Variants in PTPRT observed in about 807,000 individuals in gnomAD.
PTPRT encodes the protein receptor-type tyrosine-protein phosphatase T.
A neutral mutation model predicts 176.8 loss-of-function variants in PTPRT; 56 were observed. That is an observed-to-expected ratio of 0.32 (90% CI 0.26 to 0.40). PTPRT has a LOEUF of 0.40. Ranked by LOEUF, PTPRT falls within the 10% of genes least tolerant of loss-of-function variation. The probability of loss-of-function intolerance (pLI) is 1.00; values close to 1 mark genes in which losing one functional copy is unlikely to be tolerated. For synonymous variants in PTPRT, 783 were observed against 739.0 expected, an observed-to-expected ratio of 1.06 and a Z score of -0.96; for missense variants, 1,540 against 1,908.2, an observed-to-expected ratio of 0.81 and a Z score of 3.60.
chr20:42,371,436 C>T (rs974006634), intron 9 of PTPRT, among the ~76,000 whole-genome samples: 1 of 152,224 alleles, frequency 6.6e-6, no homozygotes, highest in African/African-American at 2.4e-5. Flanking sequence ...ACTTCAAGCC[C>T]TCTCCTGCAG....
At chr20:43,049,386 G>T (rs1408674706) in intron 1 of PTPRT, among the ~76,000 whole-genome samples, 1 of 152,070 alleles carries the variant, frequency 6.6e-6, no homozygotes, top group Non-Finnish European at 1.5e-5. Flanking sequence ...TACTTTGAAA[G>T]CTCAAAACAC....
At chr20:43,021,536 G>A (rs886969924) in intron 1 of PTPRT, among the ~76,000 whole-genome samples, 1 of 152,090 alleles carries the variant, frequency 6.6e-6, no homozygotes, top group African/African-American at 2.4e-5. Flanking sequence ...AGGTGGGCAA[G>A]TTCCCTGGTC....
At chr20:42,436,769 C>A (rs1310734067) in intron 9 of PTPRT, among the ~76,000 whole-genome samples, 1 of 152,196 alleles carries the variant, frequency 6.6e-6, no homozygotes. Context: ...ATTCTGAAAG[C>A]AACCCCAATG....
At chr20:42,760,732 C>T (rs2076903591) in intron 5 of PTPRT, among the ~76,000 whole-genome samples, 1 of 152,092 alleles carries the variant, frequency 6.6e-6, no homozygotes, top group South Asian at 2.1e-4. Flanking sequence ...TCTACAGCAT[C>T]GGCCTCATCT....
At chr20:42,591,972 A>ATTTT (rs2073583245) in intron 7 of PTPRT, among the ~76,000 whole-genome samples, 1 of 121,210 alleles carries the variant, frequency 8.3e-6, no homozygotes. Context: ...TTTGCTGGAG[A>ATTTT]TTCTTTTTTT....
intron 2 of PTPRT, among the ~76,000 whole-genome samples, chr20:42,857,399 G>A (rs914381543): frequency 2.6e-5 from 4 of 152,108 alleles, no homozygotes; most frequent in Admixed American, 2.6e-4. Context: ...ATATCCCCAA[G>A]TTATATTAAT....
At chr20:42,132,512 G>A (rs886258682) in intron 18 of PTPRT, among the ~76,000 whole-genome samples, 5 of 152,140 alleles carry the variant, frequency 3.3e-5, no homozygotes, top group African/African-American at 1.2e-4. Context: ...ATGGGAGAAA[G>A]ATCTGAACAG....
intron 7 of PTPRT, among the ~76,000 whole-genome samples, chr20:42,554,234 A>T (rs1232691534): frequency 6.6e-6 from 1 of 152,102 alleles, no homozygotes; most frequent in African/African-American, 2.4e-5. Context: ...TGTCTATAAT[A>T]CTAATCTGTA....
At chr20:42,530,111 T>G (rs759905132) in intron 7 of PTPRT, among the ~76,000 whole-genome samples, 10 of 152,234 alleles carry the variant, frequency 6.6e-5, no homozygotes, top group Non-Finnish European at 1.5e-4. Context: ...AGCTATTAGT[T>G]GATTTCATCT....
At chr20:42,118,904 G>C (rs1168736794) in intron 20 of PTPRT, among the ~76,000 whole-genome samples, 1 of 151,650 alleles carries the variant, frequency 6.6e-6, no homozygotes, top group African/African-American at 2.4e-5. Flanking sequence ...GGGGTGGGGG[G>C]TGGAGAGAGC....
At chr20:43,137,705 A>G (rs1385549915) in intron 1 of PTPRT, among the ~76,000 whole-genome samples, 1 of 152,142 alleles carries the variant, frequency 6.6e-6, no homozygotes, top group African/African-American at 2.4e-5. Flanking sequence ...CTTTGCAGAG[A>G]CTGCAGCCCT....
chr20:42,975,677 G>A (rs140884344), intron 1 of PTPRT, among the ~76,000 whole-genome samples: 37 of 152,186 alleles, frequency 2.4e-4, no homozygotes, highest in African/African-American at 7.5e-4. Context: ...TTCCAAGCGG[G>A]GGCAGCTAAG....
At chr20:43,102,529 G>A (rs926487460) in intron 1 of PTPRT, among the ~76,000 whole-genome samples, 58 of 152,122 alleles carry the variant, frequency 3.8e-4, no homozygotes, top group Admixed American at 1.2e-3. Flanking sequence ...TCAGTGAGCC[G>A]CCCACCTCCC....
At chr20:42,896,131 A>C (rs936257726) in intron 1 of PTPRT, among the ~76,000 whole-genome samples, 6 of 152,076 alleles carry the variant, frequency 3.9e-5, no homozygotes, top group African/African-American at 7.2e-5. Flanking sequence ...ATTGGTAAGG[A>C]GTAGTACTTC....
intron 9 of PTPRT, among the ~76,000 whole-genome samples, chr20:42,354,032 T>TGA (rs992944555): frequency 1.3e-5 from 2 of 151,638 alleles, no homozygotes; most frequent in East Asian, 1.9e-4. Context: ...TTAGCCTGGG[T>TGA]GAGAGAGAGA....
At chr20:42,227,314 G>C (rs1483715180) in intron 15 of PTPRT, among the ~76,000 whole-genome samples, 1 of 152,152 alleles carries the variant, frequency 6.6e-6, no homozygotes, top group Non-Finnish European at 1.5e-5. Context: ...AGGCCCTGAA[G>C]CTGGGGTTGC....
At position 42,073,772 on chromosome 20, in the gene PTPRT, A is replaced by G. The variant is rs1426408650; in HGVS notation, c.*7107T>C. ...GCTTCAGCCTGTACAGACCAAACAC[A>G]ATCTACTTGGATTCGTGCTCTACAG... On this transcript the variant is annotated 3_prime_UTR_variant, in exon 31 of 31. Transcript: ENST00000373187. 4.5e-6 allele frequency: 1 copy of G among 223,672 alleles called. No individual in the cohort carries two copies. The highest frequency in any genetic ancestry group is 8.9e-6 in the Non-Finnish European group (1 of 112,092). 13.9% of individuals were successfully genotyped at this position (223,672 alleles called of 1,614,324 possible). A position where few individuals can be genotyped will look rare whatever the true frequency, so the allele number is the denominator to read the frequency against.
intron 9 of PTPRT, among the ~76,000 whole-genome samples, chr20:42,389,213 C>T (rs1023835381): frequency 6.6e-6 from 1 of 151,580 alleles, no homozygotes; most frequent in African/African-American, 2.4e-5. Context: ...CAACATGGCA[C>T]GTGTATACAT....
At position 42,880,498 on chromosome 20, in the gene PTPRT, T is replaced by C. The variant is rs185920300; in HGVS notation, c.214+5309A>G. Among the ~76,000 whole-genome samples, 26 of 152,324 alleles carry C rather than the reference T, an allele frequency of 1.7e-4. No individual in the cohort carries two copies. The East Asian group carries it at 2.9e-3, about 17-fold the overall frequency. On this transcript the variant is annotated intron_variant, in intron 2 of 30. Transcript: ENST00000373187. ...CAAGCCACCCAAGCCCCACTACCTC[T>C]GGCTTCAGCCCTTTCCGAAGGATAC... is the stretch of plus-strand genomic sequence containing the variant.
Sources: gnomAD v4.1 joint callset for allele counts (sites outside exome capture counted in the v4.1 genomes callset) on GRCh38, gnomAD v4.1.1 for gene constraint, MANE v1.5 for transcripts, NCBI Gene and HGNC (gene_info 2026-07-23, HGNC 2026-07-21) for gene names.